FREM2: variants seen among roughly 807,000 people sequenced by gnomAD.
FREM2 encodes FRAS1-related extracellular matrix protein 2.
FREM2 carries 119 observed loss-of-function variants against 219.9 expected under a neutral mutation model. The observed-to-expected ratio is 0.54, with a 90% CI of 0.47 to 0.63. The LOEUF is 0.63. Among genes scored for constraint, FREM2 ranks in the 30% least tolerant of loss-of-function variants. The pLI is 0.00. For missense variants in FREM2, 4,030 were observed against 3,993.6 expected, an observed-to-expected ratio of 1.01 and a Z score of -0.25; for synonymous variants, 1,562 against 1,522.8, an observed-to-expected ratio of 1.03 and a Z score of -0.60.
At chr13:38,864,243 A>G (rs1236653336) in intron 15 of FREM2, 32 bp from the exon 16 acceptor site, 1 of 1,553,630 alleles carries the variant, frequency 6.4e-7, no homozygotes, top group African/African-American at 1.4e-5. Context: ...GCTACTTGAA[A>G]GACTGTTAAC....
rs539439336 is a variant in FREM2 at position 38,855,044 on chromosome 13, G to C, written c.6926-1082G>C. ...CAAAATAGTTTATCCATGGTTTACA[G>C]TATGATCAGCTGCTTAATTACGATT... On this transcript the variant is annotated intron_variant, in intron 11 of 23. Coordinates refer to ENST00000280481, the MANE Select transcript of FREM2 (RefSeq NM_207361.6). Among the ~76,000 whole-genome samples the C allele has an allele frequency of 1.3e-4, 20 of 152,298 alleles. No individual in the cohort carries two copies. In the East Asian group the frequency reaches 3.9e-3, roughly 29 times the overall value.
intron 6 of FREM2, among the ~76,000 whole-genome samples, chr13:38,830,301 T>TCTG (rs956388083): frequency 6.6e-6 from 1 of 152,154 alleles, no homozygotes; most frequent in African/African-American, 2.4e-5. Context: ...TATCACCCAG[T>TCTG]CATCCACTTT....
chr13:38,759,611 A>T (rs1402772658), intron 2 of FREM2, among the ~76,000 whole-genome samples: 2 of 152,174 alleles, frequency 1.3e-5, no homozygotes, highest in Non-Finnish European at 2.9e-5. Context: ...GCTGTCAGGC[A>T]CCTGTTGTGT....
At chr13:38,858,622 A>G (rs547219294) in intron 13 of FREM2, among the ~76,000 whole-genome samples, 6 of 152,318 alleles carry the variant, frequency 3.9e-5, no homozygotes, top group Non-Finnish European at 4.4e-5. Flanking sequence ...TAAAATTATG[A>G]CTTACTTATG....
At chr13:38,694,672 T>C (rs971903982) in intron 1 of FREM2, among the ~76,000 whole-genome samples, 3 of 152,232 alleles carry the variant, frequency 2.0e-5, no homozygotes, top group African/African-American at 7.2e-5. Flanking sequence ...CTAAATTGAT[T>C]GACTAAATGG....
intron 21 of FREM2, among the ~76,000 whole-genome samples, chr13:38,877,839 A>G (rs1272246776): frequency 6.6e-6 from 1 of 152,162 alleles, no homozygotes; most frequent in Non-Finnish European, 1.5e-5. Context: ...CCACAATGGG[A>G]TATTATTAAT....
chr13:38,840,359 T>A (rs115469860), intron 6 of FREM2, among the ~76,000 whole-genome samples: 2,328 of 151,224 alleles, frequency 0.015, 50 homozygotes, highest in African/African-American at 0.054. Context: ...GCCTTCTGCG[T>A]TGGCCTTGCT....
Position 38,846,673 on chromosome 13 carries a change from T to C in FREM2, c.6120T>C (p.Ser2040=). ...VWRTGTDLSK[S]SSVTVRSRKT... is the part of the protein sequence containing the mutation. ...GAACGGGCACTGACCTGTCCAAGTC[T>C]TCTAGTGTCACAGTGAGGTCTCGGA... Residue 2040 remains serine (S), a synonymous_variant, in exon 7 of 24, where the codon TCT becomes TCC. Transcript: ENST00000280481. 1 of 1,613,882 alleles carries C rather than the reference T, an allele frequency of 6.2e-7. No individual in the cohort carries two copies. The highest frequency in any genetic ancestry group is 8.5e-7 in the Non-Finnish European group (1 of 1,179,842).
At chr13:38,779,227 G>A (rs959267387) in intron 4 of FREM2, among the ~76,000 whole-genome samples, 3 of 151,948 alleles carry the variant, frequency 2.0e-5, no homozygotes, top group Admixed American at 6.6e-5. Context: ...GGGCTTGTCG[G>A]GGGGTGGAGG....
At chr13:38,724,172 G>A (rs901655373) in intron 2 of FREM2, among the ~76,000 whole-genome samples, 1 of 152,138 alleles carries the variant, frequency 6.6e-6, no homozygotes, top group Admixed American at 6.5e-5. Context: ...AGTTGGGGAT[G>A]GCAACGTACA....
Position 38,853,806 on chromosome 13 carries a change from CT to C in FREM2, c.6925+1941del, listed in dbSNP as rs141368587. ...TACTGAATTATAAAATATTAAATGTCTTTCTATAATGAGCAGATTTTACATG... is the reference window on the plus strand; with the variant it reads ...TACTGAATTATAAAATATTAAATGTCTTCTATAATGAGCAGATTTTACATG... On this transcript the variant is annotated intron_variant, in intron 11 of 23. Coordinates refer to ENST00000280481, the MANE Select transcript of FREM2 (RefSeq NM_207361.6). Among the ~76,000 whole-genome samples the C allele has an allele frequency of 2.2e-3, 336 of 152,250 alleles. 1 individual carries two copies. Among genetic ancestry groups the C allele is most frequent in the Middle Eastern group, 0.01 (3 of 290 alleles).
chr13:38,866,526 G>A (rs1877973061), intron 16 of FREM2, among the ~76,000 whole-genome samples: 3 of 151,692 alleles, frequency 2.0e-5, no homozygotes, highest in Admixed American at 1.3e-4. Flanking sequence ...AAATTAGCCG[G>A]GCGTGGTGGC....
intron 6 of FREM2, among the ~76,000 whole-genome samples, chr13:38,788,268 T>C (rs1566142627): frequency 6.6e-6 from 1 of 152,186 alleles, no homozygotes; most frequent in Non-Finnish European, 1.5e-5. Context: ...ACATAGCAGA[T>C]GGCACAAGCT....
chr13:38,798,281 A>G (rs1874870891), intron 6 of FREM2, among the ~76,000 whole-genome samples: 1 of 152,010 alleles, frequency 6.6e-6, no homozygotes, highest in African/African-American at 2.4e-5. Context: ...CATGATTATT[A>G]ATCTGCATAT....
intron 4 of FREM2, among the ~76,000 whole-genome samples, chr13:38,776,897 T>G (rs934308077): frequency 3.9e-5 from 6 of 152,040 alleles, no homozygotes; most frequent in Non-Finnish European, 1.5e-5. Context: ...CTGCAGTCAT[T>G]TTTTTTCTAT....
intron 2 of FREM2, among the ~76,000 whole-genome samples, chr13:38,745,146 A>G (rs1363834765): frequency 6.6e-6 from 1 of 152,240 alleles, no homozygotes; most frequent in Non-Finnish European, 1.5e-5. Context: ...CATAAGTAGT[A>G]TATAGAATAG....
At chr13:38,733,807 C>T (rs1448756296) in intron 2 of FREM2, among the ~76,000 whole-genome samples, 1 of 152,162 alleles carries the variant, frequency 6.6e-6, no homozygotes. Context: ...CACATCCAAC[C>T]TGTCTTACTG....
intron 21 of FREM2, 149 bp downstream of exon 21, chr13:38,877,392 G>C: frequency 1.1e-6 from 1 of 905,408 alleles, no homozygotes; most frequent in Non-Finnish European, 1.8e-6. Flanking sequence ...TGGCTGGTGT[G>C]GGAAGTCGTT....
chr13:38,880,951 T>C lies in FREM2; in HGVS notation c.*164T>C, dbSNP rs1330783556. 6 of 881,680 alleles carry C rather than the reference T, an allele frequency of 6.8e-6. No homozygotes were observed. Among genetic ancestry groups the C allele is most frequent in the Non-Finnish European group, 8.9e-6 (5 of 562,058 alleles). 54.6% of individuals were successfully genotyped at this position (881,680 alleles called of 1,614,324 possible). On this transcript the variant is annotated 3_prime_UTR_variant, in exon 24 of 24. Coordinates refer to ENST00000280481, the MANE Select transcript of FREM2 (RefSeq NM_207361.6). ...AGTTTGATTTGAATTCTCCATACTC[T>C]TTTTTGCATCAAAGGACAAATTAAG... is the stretch of plus-strand genomic sequence containing the variant.
Sources: gnomAD v4.1 joint callset for allele counts (sites outside exome capture counted in the v4.1 genomes callset) on GRCh38, gnomAD v4.1.1 for gene constraint, MANE v1.5 for transcripts, NCBI Gene and HGNC (gene_info 2026-07-23, HGNC 2026-07-21) for gene names.